Variants in USP18 observed in about 807,000 individuals in gnomAD.
The protein encoded by USP18 is ubl carboxyl-terminal hydrolase 18.
Under a neutral mutation model 48.7 loss-of-function variants are expected in USP18, and 11 were observed. The observed-to-expected ratio is 0.23, with a 90% CI of 0.14 to 0.37. USP18 has a LOEUF of 0.37. Ranked by LOEUF, USP18 falls within the 10% of genes least tolerant of loss-of-function variation. USP18 has a pLI of 1.00. For missense variants in USP18, 285 were observed against 436.4 expected, an observed-to-expected ratio of 0.65 and a Z score of 3.09; for synonymous variants, 114 against 163.2, an observed-to-expected ratio of 0.70 and a Z score of 2.30.
At chr22:18,167,163 A>G in intron 4 of USP18, 92 bp from the exon 5 acceptor site, 1 of 1,461,414 alleles carries the variant, frequency 6.8e-7, no homozygotes, top group Non-Finnish European at 9.4e-7. Context: ...GAAGAGACAA[A>G]GTGATGAGTG....
intron 1 of USP18, among the ~76,000 whole-genome samples, chr22:18,157,077 A>G (rs1929177455): frequency 6.6e-6 from 1 of 152,234 alleles, no homozygotes; most frequent in South Asian, 2.1e-4. Flanking sequence ...ACAGGTAGCT[A>G]CAGCCTGCCT....
intron 7 of USP18, 39 bp downstream of exon 7, chr22:18,169,978 G>T: frequency 1.3e-6 from 2 of 1,546,194 alleles, no homozygotes; most frequent in Non-Finnish European, 1.8e-6. Flanking sequence ...GTCCCTCGGT[G>T]CATATGGGGG....
chr22:18,162,667 T>C (rs1304350085), intron 4 of USP18, among the ~76,000 whole-genome samples: 3 of 150,734 alleles, frequency 2.0e-5, no homozygotes, highest in African/African-American at 7.3e-5. Context: ...ATGCGTTGCT[T>C]ACCAACAGGG....
intron 1 of USP18, 23 bp from the exon 2 acceptor site, chr22:18,157,535 C>T (rs558458583): frequency 1.6e-6 from 2 of 1,232,166 alleles, no homozygotes; most frequent in African/African-American, 3.0e-5. Flanking sequence ...TAATTCTTGC[C>T]TACCCGCATT....
intron 1 of USP18, among the ~76,000 whole-genome samples, chr22:18,151,883 C>T (rs1350851858): frequency 6.6e-6 from 1 of 151,896 alleles, no homozygotes; most frequent in African/African-American, 2.4e-5. Flanking sequence ...GGTGCAAACC[C>T]ATCTACTAAA....
At chr22:18,161,050 A>G (rs1929316974) in intron 3 of USP18, among the ~76,000 whole-genome samples, 1 of 152,124 alleles carries the variant, frequency 6.6e-6, no homozygotes, top group Admixed American at 6.6e-5. Context: ...GATTACAGGC[A>G]TGAGCCACTG....
intron 7 of USP18, 87 bp from the exon 8 acceptor site, chr22:18,170,666 T>C (rs1602531226): frequency 1.3e-6 from 2 of 1,498,296 alleles, no homozygotes; most frequent in East Asian, 4.6e-5. Context: ...CCCCTCTTTT[T>C]GGGAAGAACG....
intron 1 of USP18, among the ~76,000 whole-genome samples, chr22:18,155,017 G>C (rs1042470038): frequency 6.6e-6 from 1 of 152,230 alleles, no homozygotes; most frequent in African/African-American, 2.4e-5. Flanking sequence ...CAGCATCACT[G>C]TGGTTGGAAT....
intron 1 of USP18, among the ~76,000 whole-genome samples, chr22:18,154,095 T>C (rs1440005227): frequency 6.6e-6 from 1 of 150,766 alleles, no homozygotes; most frequent in African/African-American, 2.4e-5. Context: ...GTGGCATTAC[T>C]AGATCATGTG....
intron 1 of USP18, among the ~76,000 whole-genome samples, chr22:18,156,206 T>C (rs1929132496): frequency 6.6e-6 from 1 of 152,098 alleles, no homozygotes. Flanking sequence ...AGCTCAGGGA[T>C]TGTAAACACA....
At chr22:18,153,364 G>A (rs1255798520) in intron 1 of USP18, among the ~76,000 whole-genome samples, 1 of 150,452 alleles carries the variant, frequency 6.6e-6, no homozygotes, top group African/African-American at 2.4e-5. Flanking sequence ...GGGAGGCAGA[G>A]GTTGCAGTGA....
At position 18,163,410 on chromosome 22, in the gene USP18, G is replaced by A. The variant is rs558345895; in HGVS notation, c.400+1475G>A. Among the ~76,000 whole-genome samples the A allele has an allele frequency of 1.0e-3, 152 of 152,168 alleles. 5 individuals are homozygous for A. The Middle Eastern group carries it at 0.017, about 17-fold the overall frequency. On this transcript the variant is annotated intron_variant, in intron 4 of 10. Coordinates refer to ENST00000215794, the MANE Select transcript of USP18 (RefSeq NM_017414.4). ...TGTAATCCCAGCACTTTGGGAGGCC[G>A]AGGTGGGCAGATCATGAGGTCAGGC...
chr22:18,153,429 C>CA lies in USP18; in HGVS notation c.-107+3219dup, dbSNP rs773524805. Among the ~76,000 whole-genome samples the CA allele has an allele frequency of 2.5e-3, 318 of 126,266 alleles. 5 individuals are homozygous for CA. The highest frequency in any genetic ancestry group is 3.7e-3 in the Non-Finnish European group (229 of 61,674). The allele number at this position is 126,266 out of a possible 152,430, so 82.8% of individuals were successfully genotyped here. On this transcript the variant is annotated intron_variant, in intron 1 of 10. Coordinates refer to ENST00000215794, the MANE Select transcript of USP18 (RefSeq NM_017414.4). ...GGGTAAAAAGAGTGAAATTCCATCT[C>CA]AAAAAAAAAAAAGGAGACAGGGTCT...
chr22:18,172,909 CCT>C, intron 8 of USP18, among the ~76,000 whole-genome samples: 1 of 146,094 alleles, frequency 6.8e-6, no homozygotes, highest in Non-Finnish European at 1.5e-5. Context: ...GCTTTGGGGG[CCT>C]CTCTCATGAC....
chr22:18,165,016 CCTCT>C (rs1223950731), intron 4 of USP18, among the ~76,000 whole-genome samples: 1 of 150,554 alleles, frequency 6.6e-6, no homozygotes, highest in Non-Finnish European at 1.5e-5. Flanking sequence ...CCTGTGCAGG[CCTCT>C]CTCAGCTGGT....
Position 18,160,933 on chromosome 22 carries a change from C to A in USP18, c.254+665C>A, listed in dbSNP as rs113106136. Among the ~76,000 whole-genome samples, 54 of 152,144 alleles carry A rather than the reference C, an allele frequency of 3.5e-4. No individual in the cohort carries two copies. In the East Asian group the frequency reaches 6.2e-3, roughly 17 times the overall value. ...TACAGGCGCCCGCCACCACACCTGG[C>A]TAATTTTTGTATGTTTAGTAGATAT... On this transcript the variant is annotated intron_variant, in intron 3 of 10. Transcript: ENST00000215794.
At chr22:18,170,407 C>T (rs746116224) in intron 7 of USP18, among the ~76,000 whole-genome samples, 3 of 152,280 alleles carry the variant, frequency 2.0e-5, no homozygotes, top group East Asian at 1.9e-4. Flanking sequence ...CTTCTCATGT[C>T]GCATCACTGA....
chr22:18,165,900 C>T (rs934336508), intron 4 of USP18, among the ~76,000 whole-genome samples: 6 of 151,612 alleles, frequency 4.0e-5, no homozygotes, highest in Admixed American at 6.6e-5. Context: ...CTCACTCCCC[C>T]CACCCCCACA....
In USP18 at chr22:18,161,900, A is replaced by G. The variant is rs1271895234; in HGVS notation, c.365A>G (p.Glu122Gly). 6.2e-7 allele frequency: 1 copy of G among 1,613,998 alleles called. No individual in the cohort carries two copies. The highest frequency in any genetic ancestry group is 1.1e-5 in the South Asian group (1 of 91,066). Residue 122 changes from glutamate (E) to glycine (G), a missense_variant, in exon 4 of 11, where the codon GAG becomes GGG. Transcript: ENST00000215794. ...DSRQKAVRPL[E>G]LAYCLQKCNV... is the part of the protein sequence containing the mutation. ...CGGCAGAAAGCAGTGCGGCCCCTGG[A>G]GCTGGCCTACTGCCTGCAGAAGTGC...
Sources: gnomAD v4.1 joint callset for allele counts (sites outside exome capture counted in the v4.1 genomes callset) on GRCh38, gnomAD v4.1.1 for gene constraint, MANE v1.5 for transcripts, NCBI Gene and HGNC (gene_info 2026-07-23, HGNC 2026-07-21) for gene names.